Variants in AFG2A observed in about 807,000 individuals in gnomAD.
The protein encoded by AFG2A is AAA ATPase AFG2A.
the AFG2A span, among the ~76,000 whole-genome samples, chr4:122,979,009 C>G: frequency 6.6e-6 from 1 of 152,134 alleles, no homozygotes; most frequent in South Asian, 2.1e-4. Context: ...TGCAGCTGTG[C>G]CTGGGTGAGT....
At chr4:122,934,656 A>G in the AFG2A span, 1 of 1,611,878 alleles carries the variant, frequency 6.2e-7, no homozygotes, top group South Asian at 1.1e-5. Flanking sequence ...ATGACATGAT[A>G]GGAGGATTAA....
chr4:123,220,371 G>C, the AFG2A span, among the ~76,000 whole-genome samples: 1 of 151,796 alleles, frequency 6.6e-6, no homozygotes, highest in Admixed American at 6.6e-5. Context: ...CAGCATTTTG[G>C]GAGGCTGAGG....
At chr4:123,126,598 G>A in the AFG2A span, among the ~76,000 whole-genome samples, 101,244 of 152,022 alleles carry the variant, frequency 0.67, 37,095 homozygotes, top group East Asian at 0.97. Context: ...GCTTACCTCC[G>A]TGCTGTTCTC....
At chr4:123,174,724 A>G in the AFG2A span, among the ~76,000 whole-genome samples, 1 of 152,074 alleles carries the variant, frequency 6.6e-6, no homozygotes, top group African/African-American at 2.4e-5. Flanking sequence ...ATCACATACC[A>G]TGTGAACTCC....
At chr4:123,085,777 ATTT>A in the AFG2A span, among the ~76,000 whole-genome samples, 2 of 148,238 alleles carry the variant, frequency 1.3e-5, no homozygotes, top group Non-Finnish European at 3.0e-5. Flanking sequence ...CTTCATTCCC[ATTT>A]CTTCTTCTCT....
chr4:123,198,441 T>C, the AFG2A span, among the ~76,000 whole-genome samples: 1 of 152,136 alleles, frequency 6.6e-6, no homozygotes, highest in Non-Finnish European at 1.5e-5. Flanking sequence ...TGTTTTTGTC[T>C]CCCCTACGGT....
chr4:123,095,065 A>ATGTG, the AFG2A span, among the ~76,000 whole-genome samples: 11 of 120,614 alleles, frequency 9.1e-5, no homozygotes, highest in Non-Finnish European at 1.5e-4. Flanking sequence ...ATATATATAT[A>ATGTG]TGTGTGTGTG....
At chr4:123,001,238 A>T in the AFG2A span, among the ~76,000 whole-genome samples, 1 of 151,720 alleles carries the variant, frequency 6.6e-6, no homozygotes, top group East Asian at 1.9e-4. Flanking sequence ...AATTTTGTTC[A>T]TCCTTCCAAA....
the AFG2A span, among the ~76,000 whole-genome samples, chr4:122,977,341 G>A: frequency 2.0e-5 from 3 of 152,354 alleles, no homozygotes; most frequent in East Asian, 5.8e-4. Context: ...TGAGCCCGAG[G>A]TCCGGCCACT....
chr4:123,118,353 T>TATTA, the AFG2A span, among the ~76,000 whole-genome samples: 7 of 129,830 alleles, frequency 5.4e-5, 1 homozygote, highest in South Asian at 1.4e-3. Flanking sequence ...ATTATATATA[T>TATTA]TATATATATA....
the AFG2A span, among the ~76,000 whole-genome samples, chr4:123,236,804 C>T: frequency 6.6e-6 from 1 of 152,172 alleles, no homozygotes; most frequent in African/African-American, 2.4e-5. Flanking sequence ...GGTCTGACCT[C>T]TCCCTCCAGA....
the AFG2A span, among the ~76,000 whole-genome samples, chr4:123,307,440 T>C: frequency 2.0e-5 from 3 of 152,196 alleles, no homozygotes; most frequent in African/African-American, 4.8e-5. Context: ...CTATAAACTT[T>C]ATAGCTAGTA....
At chr4:123,003,682 G>A in the AFG2A span, among the ~76,000 whole-genome samples, 5 of 152,056 alleles carry the variant, frequency 3.3e-5, no homozygotes, top group South Asian at 2.1e-4. Flanking sequence ...TCTCAGAGGA[G>A]TACCCGGCCG....
the AFG2A span, among the ~76,000 whole-genome samples, chr4:123,006,251 A>C: frequency 5.9e-5 from 9 of 151,548 alleles, no homozygotes; most frequent in East Asian, 1.7e-3. Flanking sequence ...TTTTTTTTGA[A>C]AAGAAATCTG....
the AFG2A span, chr4:122,923,427 G>C: frequency 3.0e-6 from 4 of 1,345,524 alleles, no homozygotes; most frequent in Non-Finnish European, 4.1e-6. Context: ...GGGTCTGAGA[G>C]CGGCACAGAA....
chr4:122,987,239 G>C, the AFG2A span, among the ~76,000 whole-genome samples: 4 of 152,122 alleles, frequency 2.6e-5, no homozygotes, highest in African/African-American at 9.6e-5. Context: ...TATTTTGAAA[G>C]TCTTCAGACT....
chr4:123,135,872 T>C, the AFG2A span, among the ~76,000 whole-genome samples: 4 of 152,228 alleles, frequency 2.6e-5, no homozygotes, highest in South Asian at 8.3e-4. Context: ...CCAAAACTGC[T>C]AGAATTCATA....
At chr4:122,991,921 T>A in the AFG2A span, among the ~76,000 whole-genome samples, 3 of 152,226 alleles carry the variant, frequency 2.0e-5, no homozygotes, top group South Asian at 2.1e-4. Context: ...AGTTTTTTTT[T>A]ATCTGCAATA....
the AFG2A span, among the ~76,000 whole-genome samples, chr4:123,060,372 C>G: frequency 2.0e-5 from 3 of 152,362 alleles, no homozygotes; most frequent in African/African-American, 7.2e-5. Flanking sequence ...CATAAGGGCC[C>G]TGCCCCTGCA....
Sources: allele counts gnomAD v4.1 joint callset (sites outside exome capture counted in the v4.1 genomes callset), GRCh38; gene constraint gnomAD v4.1.1; transcripts MANE v1.5; gene names NCBI Gene and HGNC (gene_info 2026-07-23, HGNC 2026-07-21).